Variants in RBMS3 observed in about 807,000 individuals in gnomAD.
RBMS3 encodes the protein RNA-binding motif, single-stranded-interacting protein 3.
A neutral mutation model predicts 66.8 loss-of-function variants in RBMS3; 27 were observed. That is an observed-to-expected ratio of 0.40 (90% CI 0.30 to 0.56). The LOEUF (loss-of-function observed/expected upper bound fraction) is 0.56. Among genes scored for constraint, RBMS3 ranks in the 20% least tolerant of loss-of-function variants. The pLI is 0.40. For missense variants in RBMS3, 513 were observed against 549.5 expected (o/e 0.93, Z 0.66); for synonymous variants, 188 against 183.0 (o/e 1.03, Z -0.22).
intron 4 of RBMS3, among the ~76,000 whole-genome samples, chr3:29,635,203 T>A (rs2049429976): frequency 6.6e-6 from 1 of 151,826 alleles, no homozygotes; most frequent in Non-Finnish European, 1.5e-5. Context: ...AATCTTTCTC[T>A]CATTCCAGTC....
rs71295051 is a variant in RBMS3 at position 29,796,712 on chromosome 3, C to CTTTTTTTTTTTTT, written c.637+33728_637+33740dup. Among the ~76,000 whole-genome samples, 1,016 of 115,128 alleles carry CTTTTTTTTTTTTT rather than the reference C, an allele frequency of 8.8e-3. 64 individuals carry two copies. The highest frequency in any genetic ancestry group is 0.016 in the Middle Eastern group (3 of 190). The allele number at this position is 115,128 out of a possible 152,430, so 75.5% of individuals were successfully genotyped here. On this transcript the variant is annotated intron_variant, in intron 6 of 14. Transcript: ENST00000383767. The stretch of plus-strand genomic sequence containing the variant: ...TGAGAAGTAATATTTTGAAAGGAAT[C>CTTTTTTTTTTTTT]TTTTTTTTTTTTTTTTTGGAGATGG...
intron 6 of RBMS3, among the ~76,000 whole-genome samples, chr3:29,851,568 C>T (rs916691349): frequency 6.6e-6 from 1 of 152,186 alleles, no homozygotes; most frequent in Non-Finnish European, 1.5e-5. Flanking sequence ...ACCACAATAT[C>T]AAACATGAAG....
intron 5 of RBMS3, among the ~76,000 whole-genome samples, chr3:29,758,007 T>C (rs997668700): frequency 2.6e-5 from 4 of 152,238 alleles, no homozygotes; most frequent in Non-Finnish European, 5.9e-5. Context: ...GGCCAGGTAT[T>C]CTGAATGTCT....
intron 7 of RBMS3, chr3:29,880,640 T>G (rs1171657015): frequency 2.8e-6 from 2 of 703,982 alleles, no homozygotes; most frequent in Non-Finnish European, 4.9e-6. Context: ...TGTATCCAAG[T>G]GTTAGTTATT....
In RBMS3 at chr3:29,709,862, G is replaced by A. The variant is rs546213188; in HGVS notation, c.400-29858G>A. Among the ~76,000 whole-genome samples the A allele has an allele frequency of 7.2e-5, 11 of 152,140 alleles. No individual in the cohort carries two copies. The South Asian group carries it at 1.7e-3, about 23-fold the overall frequency. On this transcript the variant is annotated intron_variant, in intron 4 of 14. Transcript: ENST00000383767. The stretch of plus-strand genomic sequence containing the variant: ...TTATATATAATCATAGAGATAAAGC[G>A]TTATCTTGCACAAAAGTCTTTTTGA...
At chr3:29,599,596 T>C (rs1398290482) in intron 4 of RBMS3, among the ~76,000 whole-genome samples, 2 of 151,830 alleles carry the variant, frequency 1.3e-5, no homozygotes, top group Non-Finnish European at 2.9e-5. Flanking sequence ...CACATTCCAA[T>C]CAACATGAAA....
chr3:29,776,131 C>A (rs947914857), intron 6 of RBMS3, among the ~76,000 whole-genome samples: 1 of 151,974 alleles, frequency 6.6e-6, no homozygotes, highest in Non-Finnish European at 1.5e-5. Flanking sequence ...TACATCTTTG[C>A]TACACCTATA....
At chr3:29,409,423 T>C (rs2040172090) in intron 1 of RBMS3, among the ~76,000 whole-genome samples, 1 of 152,216 alleles carries the variant, frequency 6.6e-6, no homozygotes, top group African/African-American at 2.4e-5. Flanking sequence ...TGACATATGT[T>C]TCAGCCCTAA....
Position 29,963,990 on chromosome 3 carries a change from A to C in RBMS3, c.1098+19736A>C, listed in dbSNP as rs77630480. On this transcript the variant is annotated intron_variant, in intron 12 of 14. Coordinates refer to ENST00000383767, the MANE Select transcript of RBMS3 (RefSeq NM_001003793.3). ...CATCATATTTCAAATTTGTTTGCTC[A>C]GATTTCATTGTATGTAGAACACCTG... Among the ~76,000 whole-genome samples the C allele has an allele frequency of 5.3e-4, 81 of 152,288 alleles. No individual in the cohort carries two copies. In the East Asian group the frequency reaches 7.3e-3, roughly 14 times the overall value.
At chr3:29,796,656 A>G (rs1481651233) in intron 6 of RBMS3, among the ~76,000 whole-genome samples, 3 of 151,520 alleles carry the variant, frequency 2.0e-5, no homozygotes, top group South Asian at 4.2e-4. Context: ...ATCTCCATCA[A>G]TGCTCTTGGG....
In RBMS3 at chr3:29,731,019, A is replaced by C. The variant is rs79452850; in HGVS notation, c.400-8701A>C. 5,101 of 985,336 alleles carry C rather than the reference A, an allele frequency of 5.2e-3. 13 individuals are homozygous for C. Among genetic ancestry groups the C allele is most frequent in the Non-Finnish European group, 5.8e-3 (4,801 of 829,886 alleles). The allele number at this position is 985,336 out of a possible 1,614,324, so 61.0% of individuals were successfully genotyped here. ...CTGTTCCAGGACCAAAGGTAACTTA[A>C]ATTTAGTCATAAAGGCTGGAGATCC... On this transcript the variant is annotated intron_variant, in intron 4 of 14. Coordinates refer to ENST00000383767, the MANE Select transcript of RBMS3 (RefSeq NM_001003793.3).
intron 6 of RBMS3, among the ~76,000 whole-genome samples, chr3:29,784,662 C>G (rs186955993): frequency 6.6e-6 from 1 of 151,966 alleles, no homozygotes; most frequent in Admixed American, 6.6e-5. Flanking sequence ...CCACGCCCAA[C>G]AGAAGAAAAT....
intron 5 of RBMS3, among the ~76,000 whole-genome samples, chr3:29,746,423 C>T (rs1159020621): frequency 6.6e-6 from 1 of 152,188 alleles, no homozygotes; most frequent in Non-Finnish European, 1.5e-5. Context: ...TGTACAGAAA[C>T]AGGTTACAAC....
rs2035499799 is a variant in RBMS3, at chr3:29,329,026, A to C, written c.75+47270A>C. Among the ~76,000 whole-genome samples, 3 of 152,116 alleles carry C rather than the reference A, an allele frequency of 2.0e-5. No homozygotes were observed. The South Asian group carries it at 6.2e-4, about 31-fold the overall frequency. On this transcript the variant is annotated intron_variant, in intron 1 of 14. Transcript: ENST00000383767. Reference sequence around the variant, plus strand: ...TGCATACCTAGTTATGATTTTATTAATTTTCTGCAATTTAAATCAGTATTG... The same window carrying C: ...TGCATACCTAGTTATGATTTTATTACTTTTCTGCAATTTAAATCAGTATTG...
intron 1 of RBMS3, among the ~76,000 whole-genome samples, chr3:29,352,490 G>A (rs374260295): frequency 1.6e-4 from 24 of 151,978 alleles, no homozygotes; most frequent in African/African-American, 5.8e-4. Context: ...ATATTTATAA[G>A]GTACATGTGA....
intron 2 of RBMS3, among the ~76,000 whole-genome samples, chr3:29,471,451 A>G (rs140198154): frequency 1.7e-3 from 257 of 152,304 alleles, no homozygotes; most frequent in African/African-American, 6.0e-3. Flanking sequence ...CTTCCCCACG[A>G]TTAAAGTTAA....
intron 6 of RBMS3, among the ~76,000 whole-genome samples, chr3:29,865,322 A>AT (rs2059333896): frequency 6.6e-6 from 1 of 152,228 alleles, no homozygotes; most frequent in African/African-American, 2.4e-5. Context: ...TATAAACCTT[A>AT]TAAGAACCAT....
intron 1 of RBMS3, among the ~76,000 whole-genome samples, chr3:29,339,548 G>C (rs1326367645): frequency 2.6e-5 from 4 of 151,670 alleles, no homozygotes; most frequent in Non-Finnish European, 4.4e-5. Flanking sequence ...TAATGACACT[G>C]CAGAGTGATT....
intron 8 of RBMS3, among the ~76,000 whole-genome samples, chr3:29,886,514 G>A (rs1285254366): frequency 2.6e-5 from 4 of 151,810 alleles, no homozygotes; most frequent in Admixed American, 6.6e-5. Flanking sequence ...ATAGACATAG[G>A]GAAAGATGCT....
Sources: allele counts gnomAD v4.1 joint callset (sites outside exome capture counted in the v4.1 genomes callset), GRCh38; gene constraint gnomAD v4.1.1; transcripts MANE v1.5; gene names NCBI Gene and HGNC (gene_info 2026-07-23, HGNC 2026-07-21).